Variants in TMEM243 observed in about 807,000 individuals in gnomAD.
TMEM243 encodes the protein MDR1 and mitochondrial taxol resistance associated.
TMEM243 carries 20 observed loss-of-function variants against 15.0 expected under a neutral mutation model. The observed-to-expected ratio is 1.33, with a 90% CI of 0.94 to 1.93. TMEM243 has a LOEUF of 1.93. Among genes scored for constraint, TMEM243 ranks in the 30% most tolerant of loss-of-function variants. TMEM243 has a pLI of 0.00. For synonymous variants in TMEM243, 72 were observed against 52.7 expected, an observed-to-expected ratio of 1.37 and a Z score of -1.59; for missense variants, 156 against 142.1, an observed-to-expected ratio of 1.10 and a Z score of -0.50.
At chr7:87,216,969 C>T (rs1803161910) in intron 1 of TMEM243, 1 of 152,182 alleles carries the variant, frequency 6.6e-6, no homozygotes, top group African/African-American at 2.4e-5. Context: ...AATAAGAACA[C>T]CCATCTCACA....
intron 1 of TMEM243, among the ~76,000 whole-genome samples, chr7:87,208,680 C>G (rs931240719): frequency 1.2e-4 from 19 of 152,236 alleles, no homozygotes; most frequent in African/African-American, 3.4e-4. Flanking sequence ...TCCTTGTTCA[C>G]TGTTGAATTT....
chr7:87,206,287 C>T (rs772039642), intron 1 of TMEM243, among the ~76,000 whole-genome samples: 1 of 152,198 alleles, frequency 6.6e-6, no homozygotes, highest in Non-Finnish European at 1.5e-5. Flanking sequence ...GAACTCAACA[C>T]TATCAACTTC....
At position 87,209,633 on chromosome 7, in the gene TMEM243, A is replaced by T. The variant is rs1393540270; in HGVS notation, c.78+9793T>A. 9.9e-3 allele frequency among the ~76,000 whole-genome samples: 1,289 copies of T among 129,756 alleles called. 42 individuals are homozygous for T. Among genetic ancestry groups the T allele is most frequent in the East Asian group, 0.022 (85 of 3,854 alleles). The allele number at this position is 129,756 out of a possible 152,430, so 85.1% of individuals were successfully genotyped here. The stretch of plus-strand genomic sequence containing the variant: ...GAGACAGAGAGAGAGACTGAGATAG[A>T]GAGCGAGAGAGACAGTGAGAGACAG... On this transcript the variant is annotated intron_variant, in intron 1 of 3. Transcript: ENST00000257637.
chr7:87,215,266 C>G (rs972588391), intron 1 of TMEM243, among the ~76,000 whole-genome samples: 3 of 152,042 alleles, frequency 2.0e-5, no homozygotes, highest in African/African-American at 7.3e-5. Flanking sequence ...GCCACCATGC[C>G]CAGCTAATTT....
intron 1 of TMEM243, among the ~76,000 whole-genome samples, chr7:87,219,052 G>C (rs1486681908): frequency 6.6e-6 from 1 of 151,924 alleles, no homozygotes; most frequent in Non-Finnish European, 1.5e-5. Context: ...ACCCCTTCTC[G>C]GCTCTCTCAG....
At chr7:87,210,632 C>T (rs1263086743) in intron 1 of TMEM243, among the ~76,000 whole-genome samples, 1 of 152,222 alleles carries the variant, frequency 6.6e-6, no homozygotes. Context: ...CCTCCTTTGG[C>T]TCTATGTTTC....
chr7:87,203,535 A>G (rs568891490), intron 1 of TMEM243, among the ~76,000 whole-genome samples: 2 of 152,104 alleles, frequency 1.3e-5, no homozygotes, highest in East Asian at 3.9e-4. Context: ...GGATCACTTG[A>G]GTCCAGGAGG....
intron 3 of TMEM243, chr7:87,197,624 GTAGTC>G: frequency 2.3e-6 from 2 of 867,372 alleles, no homozygotes; most frequent in Non-Finnish European, 3.2e-6. Flanking sequence ...TGGCCCTTAC[GTAGTC>G]CTTGAGTGAA....
intron 1 of TMEM243, among the ~76,000 whole-genome samples, chr7:87,212,991 T>C (rs1802861394): frequency 6.6e-6 from 1 of 152,154 alleles, no homozygotes; most frequent in Admixed American, 6.5e-5. Flanking sequence ...AGAGACTGGA[T>C]TACAGGGAAG....
At chr7:87,196,867 C>T in intron 3 of TMEM243, 109 bp from the exon 4 acceptor site, 1 of 746,904 alleles carries the variant, frequency 1.3e-6, no homozygotes, top group Non-Finnish European at 2.1e-6. Context: ...GACAGACATT[C>T]TCCATATTCT....
chr7:87,214,746 T>TA (rs1802988066), intron 1 of TMEM243, among the ~76,000 whole-genome samples: 2 of 152,238 alleles, frequency 1.3e-5, no homozygotes, highest in East Asian at 3.8e-4. Context: ...GTATCCCTTA[T>TA]CCAAAATGCT....
Position 87,196,384 on chromosome 7 carries a change from A to G in TMEM243, c.*252T>C, listed in dbSNP as rs777982622. 19 of 334,190 alleles carry G rather than the reference A, an allele frequency of 5.7e-5. No individual in the cohort carries two copies. The highest frequency in any genetic ancestry group is 9.7e-5 in the Non-Finnish European group (18 of 185,558). 20.7% of individuals were successfully genotyped at this position (334,190 alleles called of 1,614,324 possible). A position where few individuals can be genotyped will look rare whatever the true frequency, so the allele number is the denominator to read the frequency against. The stretch of plus-strand genomic sequence containing the variant: ...ATACAATTATAAAAATTTCATTTCA[A>G]AAGTGAAATTTTTTTGTGCTGTTTT... On this transcript the variant is annotated 3_prime_UTR_variant, in exon 4 of 4. Coordinates refer to ENST00000257637, the MANE Select transcript of TMEM243 (RefSeq NM_024315.4).
In TMEM243 at chr7:87,197,688, ATTTTTTTTTT is replaced by A. The variant is rs71906317; in HGVS notation, c.234+243_234+252del. On this transcript the variant is annotated intron_variant, in intron 3 of 3. Coordinates refer to ENST00000257637, the MANE Select transcript of TMEM243 (RefSeq NM_024315.4). ...TTTGGCCACCTACGTCTTTCCACTA[ATTTTTTTTTT>A]TTTTTTTTTTTTTTTTTTAAGCTAT... The A allele has an allele frequency of 6.7e-5, 66 of 982,094 alleles. 1 individual carries two copies. The highest frequency in any genetic ancestry group is 2.1e-4 in the African/African-American group (9 of 43,022). 60.8% of individuals were successfully genotyped at this position (982,094 alleles called of 1,614,324 possible).
chr7:87,200,464 A>G (rs1475200865), intron 1 of TMEM243, among the ~76,000 whole-genome samples: 1 of 152,178 alleles, frequency 6.6e-6, no homozygotes, highest in Admixed American at 6.5e-5. Context: ...ACTATTTTTG[A>G]GAAGCAAGAA....
At chr7:87,212,092 C>T (rs1236261794) in intron 1 of TMEM243, among the ~76,000 whole-genome samples, 1 of 152,170 alleles carries the variant, frequency 6.6e-6, no homozygotes, top group African/African-American at 2.4e-5. Context: ...TGTACAATGT[C>T]TACCATGTGA....
At chr7:87,212,167 T>C (rs1802799031) in intron 1 of TMEM243, among the ~76,000 whole-genome samples, 1 of 152,162 alleles carries the variant, frequency 6.6e-6, no homozygotes, top group Non-Finnish European at 1.5e-5. Flanking sequence ...TGACATTCAG[T>C]AGAGGGTCAG....
At chr7:87,215,786 TCA>T (rs932194205) in intron 1 of TMEM243, among the ~76,000 whole-genome samples, 27 of 152,336 alleles carry the variant, frequency 1.8e-4, no homozygotes, top group Admixed American at 1.5e-3. Flanking sequence ...TCCATAGGTA[TCA>T]AGGAATGAGG....
intron 3 of TMEM243, chr7:87,197,561 C>T: frequency 5.1e-6 from 2 of 392,584 alleles, no homozygotes; most frequent in Non-Finnish European, 8.5e-6. Flanking sequence ...AGAATTAAAT[C>T]CAGAGTGCTC....
intron 1 of TMEM243, among the ~76,000 whole-genome samples, chr7:87,201,371 C>T (rs1273525524): frequency 6.6e-6 from 1 of 152,178 alleles, no homozygotes; most frequent in Non-Finnish European, 1.5e-5. Context: ...TCACTGAGAC[C>T]AACTGAATCA....
Sources: allele counts gnomAD v4.1 joint callset (sites outside exome capture counted in the v4.1 genomes callset), GRCh38; gene constraint gnomAD v4.1.1; transcripts MANE v1.5; gene names NCBI Gene and HGNC (gene_info 2026-07-23, HGNC 2026-07-21).